PLEKHM3: variants seen among roughly 807,000 people sequenced by gnomAD.
PLEKHM3 encodes pleckstrin homology domain-containing family M member 3.
Under a neutral mutation model 81.8 loss-of-function variants are expected in PLEKHM3, and 45 were observed. The ratio of observed to expected loss-of-function variants is 0.55; its 90% CI spans 0.43 to 0.71. PLEKHM3 has a LOEUF of 0.71. PLEKHM3 is among the 30% of genes least tolerant of loss of function. PLEKHM3 has a pLI of 0.00. For synonymous variants in PLEKHM3, 352 were observed against 356.4 expected (o/e 0.99, Z 0.14); for missense variants, 788 against 924.3 (o/e 0.85, Z 1.91).
At chr2:207,966,597 G>A (rs1433266278) in intron 3 of PLEKHM3, among the ~76,000 whole-genome samples, 1 of 152,138 alleles carries the variant, frequency 6.6e-6, no homozygotes, top group Non-Finnish European at 1.5e-5. Flanking sequence ...CTGTCGCCCA[G>A]GCTGGAGTAC....
intron 3 of PLEKHM3, among the ~76,000 whole-genome samples, chr2:207,975,897 C>T (rs13400647): frequency 0.07 from 7,879 of 113,204 alleles, 670 homozygotes; most frequent in African/African-American, 0.22. Flanking sequence ...GCACCTGGCA[C>T]AATTTTTTTT....
intron 4 of PLEKHM3, among the ~76,000 whole-genome samples, chr2:207,943,855 G>C (rs868337188): frequency 8.4e-6 from 1 of 119,654 alleles, no homozygotes; most frequent in African/African-American, 3.4e-5. Flanking sequence ...GCGACAGAGC[G>C]AGACTCCGTC....
At chr2:207,949,009 A>G (rs1690241423) in intron 3 of PLEKHM3, among the ~76,000 whole-genome samples, 1 of 152,198 alleles carries the variant, frequency 6.6e-6, no homozygotes, top group South Asian at 2.1e-4. Context: ...CACTTAATAC[A>G]GAGCTTTACA....
intron 1 of PLEKHM3, among the ~76,000 whole-genome samples, chr2:208,008,474 T>A (rs111945547): frequency 1.1e-3 from 25 of 23,358 alleles, no homozygotes; most frequent in African/African-American, 4.8e-3. Flanking sequence ...TCCAAAAAAA[T>A]CAAATACCAG....
chr2:207,876,873 C>G lies in PLEKHM3; in HGVS notation c.1951-15611G>C, dbSNP rs1227537990. Among the ~76,000 whole-genome samples, 7 of 152,212 alleles carry G rather than the reference C, an allele frequency of 4.6e-5. No individual in the cohort carries two copies. The East Asian group carries it at 1.3e-3, about 29-fold the overall frequency. ...CTCTTACTGGTTCCATCCCTTCAGG[C>G]ACATTTGTAATGAACAGTAAAAGGA... is the stretch of plus-strand genomic sequence containing the variant. On this transcript the variant is annotated intron_variant, in intron 6 of 7. Coordinates refer to ENST00000427836, the MANE Select transcript of PLEKHM3 (RefSeq NM_001080475.3).
At chr2:207,828,618 G>T in intron 7 of PLEKHM3, 122 bp from the exon 8 acceptor site, 2 of 878,802 alleles carry the variant, frequency 2.3e-6, no homozygotes, top group Non-Finnish European at 3.4e-6. Flanking sequence ...CCCTGCCAAT[G>T]GGAAGGGAGA....
intron 4 of PLEKHM3, among the ~76,000 whole-genome samples, chr2:207,942,277 G>A (rs1364784652): frequency 6.6e-6 from 1 of 152,148 alleles, no homozygotes; most frequent in Admixed American, 6.5e-5. Flanking sequence ...GGAGGCCGAG[G>A]TGGGAAGATT....
chr2:207,844,142 C>A (rs77721091), intron 7 of PLEKHM3, among the ~76,000 whole-genome samples: 3,202 of 151,968 alleles, frequency 0.021, 57 homozygotes, highest in Non-Finnish European at 0.034. Flanking sequence ...ATACTTCAAC[C>A]TCCCAACTCT....
chr2:207,947,963 T>A (rs1690190514), intron 3 of PLEKHM3, among the ~76,000 whole-genome samples: 1 of 152,216 alleles, frequency 6.6e-6, no homozygotes, highest in South Asian at 2.1e-4. Context: ...GAGAATTAGA[T>A]CTCATTGTTT....
chr2:207,874,926 A>C (rs1226357822), intron 6 of PLEKHM3, among the ~76,000 whole-genome samples: 2 of 152,112 alleles, frequency 1.3e-5, no homozygotes, highest in African/African-American at 4.8e-5. Flanking sequence ...TGAAGACTTA[A>C]ATATAAAAAG....
At chr2:207,925,222 A>AG (rs1437369420) in intron 5 of PLEKHM3, among the ~76,000 whole-genome samples, 2 of 149,956 alleles carry the variant, frequency 1.3e-5, no homozygotes, top group African/African-American at 4.9e-5. Flanking sequence ...AGAAGCAGGG[A>AG]GGGAGGATTA....
intron 2 of PLEKHM3, among the ~76,000 whole-genome samples, chr2:207,995,381 G>A (rs1472099297): frequency 2.0e-5 from 3 of 152,080 alleles, no homozygotes; most frequent in Non-Finnish European, 2.9e-5. Flanking sequence ...GAACATTATC[G>A]TACTGATCCC....
chr2:207,874,872 G>A (rs1028560865), intron 6 of PLEKHM3, among the ~76,000 whole-genome samples: 3 of 151,946 alleles, frequency 2.0e-5, no homozygotes, highest in South Asian at 2.1e-4. Context: ...TTACAGGTAT[G>A]AGCCACCATG....
At chr2:207,978,559 C>T (rs75258408) in intron 2 of PLEKHM3, among the ~76,000 whole-genome samples, 4,565 of 152,178 alleles carry the variant, frequency 0.03, 210 homozygotes, top group African/African-American at 0.1. Context: ...TTCAGCAGCC[C>T]TCCAGGCCAG....
At chr2:207,871,918 T>A (rs1380881255) in intron 6 of PLEKHM3, among the ~76,000 whole-genome samples, 1 of 152,234 alleles carries the variant, frequency 6.6e-6, no homozygotes, top group East Asian at 1.9e-4. Context: ...ATGTTTGAAA[T>A]AAATCTGATT....
At position 207,890,355 on chromosome 2, in the gene PLEKHM3, T is replaced by C. The variant is rs577097421; in HGVS notation, c.1950+18159A>G. Among the ~76,000 whole-genome samples the C allele has an allele frequency of 3.9e-5, 6 of 152,256 alleles. 1 individual carries two copies. The South Asian group carries it at 1.2e-3, about 32-fold the overall frequency. ...TACTACTAAAGAATAGAGCTGGGCA[T>C]GGTAGCTCACGCCTGTAATCCCAGC... On this transcript the variant is annotated intron_variant, in intron 6 of 7. Transcript: ENST00000427836.
intron 4 of PLEKHM3, among the ~76,000 whole-genome samples, chr2:207,940,152 T>C (rs1689890929): frequency 6.6e-6 from 1 of 152,208 alleles, no homozygotes; most frequent in African/African-American, 2.4e-5. Context: ...CTAAAACACA[T>C]TCCGTGTGCC....
At chr2:207,934,615 G>A (rs534840000) in intron 4 of PLEKHM3, among the ~76,000 whole-genome samples, 1 of 152,270 alleles carries the variant, frequency 6.6e-6, no homozygotes, top group Non-Finnish European at 1.5e-5. Flanking sequence ...TGATTCAAGA[G>A]AGATGAGAAG....
intron 2 of PLEKHM3, among the ~76,000 whole-genome samples, chr2:207,986,697 G>T (rs1423053229): frequency 1.3e-5 from 2 of 151,182 alleles, no homozygotes; most frequent in African/African-American, 4.9e-5. Context: ...TTCAGACAGG[G>T]TCTTGCTCTG....
Sources: allele counts gnomAD v4.1 joint callset (sites outside exome capture counted in the v4.1 genomes callset), GRCh38; gene constraint gnomAD v4.1.1; transcripts MANE v1.5; gene names NCBI Gene and HGNC (gene_info 2026-07-23, HGNC 2026-07-21).